NDST3: variants seen among roughly 807,000 people sequenced by gnomAD.
NDST3 encodes N-deacetylase and N-sulfotransferase 3.
A neutral mutation model predicts 96.1 loss-of-function variants in NDST3; 58 were observed. That is an observed-to-expected ratio of 0.60 (90% CI 0.49 to 0.75). The LOEUF is 0.75. Among genes scored for constraint, NDST3 ranks in the 30% least tolerant of loss-of-function variants. NDST3 has a pLI of 0.00. For missense variants in NDST3, 788 were observed against 1,034.2 expected, an observed-to-expected ratio of 0.76 and a Z score of 3.27; for synonymous variants, 333 against 359.7, an observed-to-expected ratio of 0.93 and a Z score of 0.84.
chr4:118,094,475 C>A (rs1454726132), intron 2 of NDST3, among the ~76,000 whole-genome samples: 1 of 151,810 alleles, frequency 6.6e-6, no homozygotes, highest in Non-Finnish European at 1.5e-5. Context: ...GGGTTCCCAA[C>A]CAATATTGAT....
At chr4:118,237,580 A>C (rs1740725023) in intron 10 of NDST3, among the ~76,000 whole-genome samples, 1 of 152,206 alleles carries the variant, frequency 6.6e-6, no homozygotes. Context: ...TGTGTACTCT[A>C]TAAAGAGTCA....
intron 6 of NDST3, among the ~76,000 whole-genome samples, chr4:118,213,774 T>C (rs1192747419): frequency 6.6e-6 from 1 of 150,840 alleles, no homozygotes; most frequent in East Asian, 1.9e-4. Flanking sequence ...TTTTTAAATA[T>C]GAAAACAATT....
intron 6 of NDST3, among the ~76,000 whole-genome samples, chr4:118,190,586 T>C (rs1737243016): frequency 6.6e-6 from 1 of 152,162 alleles, no homozygotes; most frequent in Non-Finnish European, 1.5e-5. Context: ...GTCCTGAATT[T>C]GCATACCAGG....
rs747695545 is a variant in NDST3 at position 118,212,202 on chromosome 4, T to C, written c.1540-12289T>C. Among the ~76,000 whole-genome samples the C allele has an allele frequency of 4.3e-4, 66 of 152,306 alleles. 1 individual carries two copies. Among genetic ancestry groups the C allele is most frequent in the Middle Eastern group, 3.4e-3 (1 of 294 alleles). ...CATGCCACAATGTGCATTTTATTAA[T>C]TGTTTTTTATAAATAAAGCAGATAG... On this transcript the variant is annotated intron_variant, in intron 6 of 13. Coordinates refer to ENST00000296499, the MANE Select transcript of NDST3 (RefSeq NM_004784.3).
intron 12 of NDST3, among the ~76,000 whole-genome samples, chr4:118,245,798 T>C (rs1327381577): frequency 6.6e-6 from 1 of 152,094 alleles, no homozygotes; most frequent in African/African-American, 2.4e-5. Flanking sequence ...TCTCTCTCTC[T>C]TCATAAAAAC....
chr4:118,033,846 C>A, upstream of NDST3: 1 of 152,472 alleles, frequency 6.6e-6, no homozygotes, highest in Non-Finnish European at 1.5e-5. Flanking sequence ...GGACGAGGGG[C>A]CCTGGGGAGC....
chr4:118,243,611 G>C (rs563317227), intron 12 of NDST3, among the ~76,000 whole-genome samples: 1 of 152,088 alleles, frequency 6.6e-6, no homozygotes, highest in Non-Finnish European at 1.5e-5. Context: ...ACCATTTTCT[G>C]TTCTGTATCT....
At chr4:118,174,994 T>C (rs1006567951) in intron 6 of NDST3, among the ~76,000 whole-genome samples, 1 of 152,120 alleles carries the variant, frequency 6.6e-6, no homozygotes, top group Non-Finnish European at 1.5e-5. Flanking sequence ...ACAGCCAAAA[T>C]CCATGACCAG....
chr4:118,068,280 C>A (rs1726766803), intron 2 of NDST3, among the ~76,000 whole-genome samples: 2 of 150,836 alleles, frequency 1.3e-5, no homozygotes, highest in Non-Finnish European at 2.9e-5. Context: ...CAGGCCCATG[C>A]CAGCACACCC....
chr4:118,046,264 A>G (rs974273573), intron 1 of NDST3, among the ~76,000 whole-genome samples: 1 of 152,166 alleles, frequency 6.6e-6, no homozygotes, highest in Non-Finnish European at 1.5e-5. Context: ...CGCATCCCCC[A>G]TGGACACTTG....
chr4:118,222,188 T>A (rs1391810147), intron 6 of NDST3, among the ~76,000 whole-genome samples: 1 of 151,926 alleles, frequency 6.6e-6, no homozygotes, highest in Non-Finnish European at 1.5e-5. Context: ...ACATTATAAA[T>A]GTCATAGGTC....
At chr4:118,140,774 G>A (rs1216242712) in intron 5 of NDST3, among the ~76,000 whole-genome samples, 1 of 152,172 alleles carries the variant, frequency 6.6e-6, no homozygotes, top group African/African-American at 2.4e-5. Flanking sequence ...CAGGTCTTGT[G>A]AGAACTCACT....
intron 4 of NDST3, among the ~76,000 whole-genome samples, chr4:118,135,340 T>G (rs1385083079): frequency 6.6e-6 from 1 of 152,096 alleles, no homozygotes; most frequent in Non-Finnish European, 1.5e-5. Flanking sequence ...ACAGTGAAAG[T>G]AGAAAATACA....
chr4:118,107,281 A>T (rs952780121), intron 3 of NDST3, among the ~76,000 whole-genome samples: 1 of 152,226 alleles, frequency 6.6e-6, no homozygotes, highest in Admixed American at 6.5e-5. Flanking sequence ...GAGAATAATT[A>T]AAAAGTTTTT....
intron 2 of NDST3, among the ~76,000 whole-genome samples, chr4:118,064,020 C>T (rs923466268): frequency 2.6e-5 from 4 of 152,058 alleles, no homozygotes; most frequent in East Asian, 3.9e-4. Flanking sequence ...CTAGATTTAC[C>T]GATAAGTCTG....
At chr4:118,237,507 A>C (rs112562064) in intron 10 of NDST3, among the ~76,000 whole-genome samples, 5,945 of 152,278 alleles carry the variant, frequency 0.039, 176 homozygotes, top group African/African-American at 0.085. Context: ...TTTTATATCT[A>C]TGCCTCTATA....
intron 6 of NDST3, among the ~76,000 whole-genome samples, chr4:118,216,261 T>C (rs1739188064): frequency 6.6e-6 from 1 of 152,014 alleles, no homozygotes; most frequent in Non-Finnish European, 1.5e-5. Context: ...CATTGATTGA[T>C]GCAGGAAAAA....
intron 6 of NDST3, among the ~76,000 whole-genome samples, chr4:118,220,074 T>C (rs78347803): frequency 0.29 from 44,169 of 151,902 alleles, 8,066 homozygotes; most frequent in Middle Eastern, 0.42. Context: ...TCCTCAAAGA[T>C]CTAGAACCAG....
intron 2 of NDST3, among the ~76,000 whole-genome samples, chr4:118,083,607 T>C (rs1029651699): frequency 6.6e-5 from 10 of 152,168 alleles, no homozygotes; most frequent in African/African-American, 9.6e-5. Flanking sequence ...CTTTTGTTGG[T>C]ATAGAGGCAT....
Sources: gnomAD v4.1 joint callset for allele counts (sites outside exome capture counted in the v4.1 genomes callset) on GRCh38, gnomAD v4.1.1 for gene constraint, MANE v1.5 for transcripts, NCBI Gene and HGNC (gene_info 2026-07-23, HGNC 2026-07-21) for gene names.